Variants in ADAMTS2 observed in about 807,000 individuals in gnomAD.
ADAMTS2 encodes A disintegrin and metalloproteinase with thrombospondin motifs 2.
Under a neutral mutation model 123.0 loss-of-function variants are expected in ADAMTS2, and 50 were observed. The ratio of observed to expected loss-of-function variants is 0.41; its 90% CI spans 0.32 to 0.51. The LOEUF is 0.51. Among genes scored for constraint, ADAMTS2 ranks in the 20% least tolerant of loss-of-function variants. The pLI is 0.35. For missense variants in ADAMTS2, 1,494 were observed against 1,705.2 expected (o/e 0.88, Z 2.18); for synonymous variants, 678 against 695.4 (o/e 0.98, Z 0.39).
Position 179,312,074 on chromosome 5 carries a change from AAT to A in ADAMTS2, c.534+31691_534+31692del, listed in dbSNP as rs933234376. Among the ~76,000 whole-genome samples the A allele has an allele frequency of 6.6e-6, 1 of 152,180 alleles. No homozygotes were observed. The highest frequency in any genetic ancestry group is 1.5e-5 in the Non-Finnish European group (1 of 68,026). On this transcript the variant is annotated intron_variant, in intron 2 of 21. Coordinates refer to ENST00000251582, the MANE Select transcript of ADAMTS2 (RefSeq NM_014244.5). The surrounding 1 kb of genome is among the most constrained non-coding windows in gnomAD (Gnocchi z 4.2). ...TAATGTTAGAAGCTGCAGAGGTGCA[AAT>A]ATAACAGTCAGACGACCATGGCAGT...
intron 2 of ADAMTS2, among the ~76,000 whole-genome samples, chr5:179,341,891 C>T (rs751934775): frequency 1.3e-5 from 2 of 152,172 alleles, no homozygotes; most frequent in Non-Finnish European, 2.9e-5. Context: ...CCTGCCCAGG[C>T]CAATCCACAC....
intron 2 of ADAMTS2, among the ~76,000 whole-genome samples, chr5:179,277,321 A>ACC (rs530537863): frequency 8.1e-5 from 5 of 61,888 alleles, no homozygotes; most frequent in African/African-American, 3.8e-4. Flanking sequence ...AAAGGCTGAC[A>ACC]CCCCGAGACC....
At chr5:179,305,368 G>A (rs1408850878) in intron 2 of ADAMTS2, among the ~76,000 whole-genome samples, 2 of 152,152 alleles carry the variant, frequency 1.3e-5, no homozygotes, top group Non-Finnish European at 2.9e-5. Context: ...GTATGTAGGT[G>A]TATAAAAGAC....
At chr5:179,120,663 A>G (rs1376198180) in intron 21 of ADAMTS2, 2 of 151,646 alleles carry the variant, frequency 1.3e-5, no homozygotes, top group Non-Finnish European at 2.9e-5. Flanking sequence ...CGCGCTGTGG[A>G]GCACCCTCGG....
intron 4 of ADAMTS2, among the ~76,000 whole-genome samples, chr5:179,193,955 G>A (rs985114524): frequency 5.3e-5 from 8 of 152,182 alleles, no homozygotes; most frequent in Admixed American, 2.0e-4. Context: ...GCACATCATC[G>A]CCTCTGTTCT....
intron 21 of ADAMTS2, among the ~76,000 whole-genome samples, chr5:179,116,559 C>T (rs1367124432): frequency 6.6e-6 from 1 of 152,154 alleles, no homozygotes; most frequent in African/African-American, 2.4e-5. Flanking sequence ...AGATGAATGA[C>T]TAGTGCCAGA....
At chr5:179,204,492 G>A (rs533278055) in intron 4 of ADAMTS2, among the ~76,000 whole-genome samples, 42 of 152,326 alleles carry the variant, frequency 2.8e-4, no homozygotes, top group East Asian at 9.6e-4. Context: ...CAGAAAGGGC[G>A]AGACGAGCAT....
In ADAMTS2 at chr5:179,113,905, C is replaced by G; in HGVS notation, c.3598G>C (p.Asp1200His). 1.2e-6 allele frequency: 2 copies of G among 1,614,194 alleles called. No homozygotes were observed. The highest frequency in any genetic ancestry group is 1.7e-6 in the Non-Finnish European group (2 of 1,180,038). ...TRNQRIQELI[D>H]EMRKKEMLGK... ...AGCATCTCTTTCTTCCGCATCTCAT[C>G]AATGAGCTCTTGGATTCTTTGGTTT... Residue 1200 changes from aspartate to histidine, a missense_variant, in exon 22 of 22, where the codon GAT becomes CAT. Asp to His is a moderately conservative substitution (Grantham distance 81). Coordinates refer to ENST00000251582, the MANE Select transcript of ADAMTS2 (RefSeq NM_014244.5).
intron 3 of ADAMTS2, among the ~76,000 whole-genome samples, chr5:179,219,256 G>C (rs1488715796): frequency 6.6e-6 from 1 of 152,190 alleles, no homozygotes; most frequent in Non-Finnish European, 1.5e-5. Flanking sequence ...CCCGTGTGCT[G>C]CTGACACTGT....
chr5:179,150,447 T>A (rs911713887), intron 10 of ADAMTS2, among the ~76,000 whole-genome samples: 1 of 152,184 alleles, frequency 6.6e-6, no homozygotes, highest in Non-Finnish European at 1.5e-5. Context: ...AATTCCCAGG[T>A]CTTCGAACAA....
chr5:179,293,041 C>T (rs918338877), intron 2 of ADAMTS2, among the ~76,000 whole-genome samples: 4 of 152,174 alleles, frequency 2.6e-5, no homozygotes, highest in African/African-American at 7.2e-5. Flanking sequence ...GGGTGGGAAG[C>T]GTCTTTCCTG....
chr5:179,305,836 A>T (rs1561716871), intron 2 of ADAMTS2, among the ~76,000 whole-genome samples: 1 of 152,234 alleles, frequency 6.6e-6, no homozygotes, highest in Non-Finnish European at 1.5e-5. Flanking sequence ...AAGATAATGG[A>T]ATAGTATAAA....
intron 10 of ADAMTS2, among the ~76,000 whole-genome samples, chr5:179,147,007 CTG>C (rs1331171527): frequency 1.3e-5 from 2 of 152,218 alleles, no homozygotes; most frequent in Non-Finnish European, 2.9e-5. Context: ...GGTTTCTCTT[CTG>C]TCTTTGAAAT....
intron 3 of ADAMTS2, among the ~76,000 whole-genome samples, chr5:179,240,086 G>A (rs1414756603): frequency 2.0e-5 from 3 of 152,166 alleles, no homozygotes; most frequent in Non-Finnish European, 4.4e-5. Context: ...GAGAGTAGGT[G>A]ACAGACGAGG....
At chr5:179,146,883 A>G (rs1057237757) in intron 10 of ADAMTS2, among the ~76,000 whole-genome samples, 13 of 152,250 alleles carry the variant, frequency 8.5e-5, no homozygotes, top group African/African-American at 3.1e-4. Context: ...TATCCAAATC[A>G]CAGTCTGTCA....
rs761516598 is a variant in ADAMTS2, at chr5:179,132,930, A to C, written c.2086-30T>G. ...TGGGGGAGGAGGCAGTGAGCACTTG[A>C]GACGTCCTGCTAGTAGAGTCAGGGT... On this transcript the variant is annotated intron_variant, in intron 13 of 21. Coordinates refer to ENST00000251582, the MANE Select transcript of ADAMTS2 (RefSeq NM_014244.5). The surrounding 1 kb of genome is among the most constrained non-coding windows in gnomAD (Gnocchi z 6.1). 2.5e-6 allele frequency: 4 copies of C among 1,610,784 alleles called. No individual in the cohort carries two copies. The highest frequency in any genetic ancestry group is 3.4e-6 in the Non-Finnish European group (4 of 1,178,726).
chr5:179,125,018 G>A lies in ADAMTS2; in HGVS notation c.2913C>T (p.Ser971=). The A allele has an allele frequency of 1.2e-6, 2 of 1,607,660 alleles. No homozygotes were observed. The highest frequency in any genetic ancestry group is 2.2e-5 in the South Asian group (2 of 90,378). Reference sequence around the variant, plus strand: ...GCCAACGACCAGGGCAGAGCTCGCGGCTGCAGGCCCGGCGGCTCTCGGGCC... The same window carrying A: ...GCCAACGACCAGGGCAGAGCTCGCGACTGCAGGCCCGGCGGCTCTCGGGCC... ...DARPESRRAC[S]RELCPGRWRA... Residue 971 remains serine, a synonymous_variant, in exon 19 of 22, where the codon AGC becomes AGT. Transcript: ENST00000251582.
chr5:179,316,348 T>G (rs1289143154), intron 2 of ADAMTS2, among the ~76,000 whole-genome samples: 2 of 152,044 alleles, frequency 1.3e-5, no homozygotes, highest in African/African-American at 4.8e-5. Flanking sequence ...GCAGCAGAGA[T>G]CTAGCAACCC....
intron 4 of ADAMTS2, among the ~76,000 whole-genome samples, chr5:179,190,432 C>G (rs867702071): frequency 6.6e-6 from 1 of 151,384 alleles, no homozygotes; most frequent in South Asian, 2.1e-4. Context: ...AGAAACTAAA[C>G]GGAAGACACA....
Sources: allele counts gnomAD v4.1 joint callset (sites outside exome capture counted in the v4.1 genomes callset), GRCh38; gene constraint gnomAD v4.1.1; non-coding constraint Gnocchi (gnomAD v3.1); transcripts MANE v1.5; gene names NCBI Gene and HGNC (gene_info 2026-07-23, HGNC 2026-07-21).